LUC7L: variants seen among roughly 807,000 people sequenced by gnomAD.
LUC7L encodes putative RNA-binding protein Luc7-like 1.
LUC7L carries 29 observed loss-of-function variants against 51.1 expected under a neutral mutation model. The observed-to-expected ratio is 0.57, with a 90% CI of 0.42 to 0.77. The LOEUF is 0.77. Among genes scored for constraint, LUC7L ranks in the 30% least tolerant of loss-of-function variants. LUC7L has a pLI of 0.00. For synonymous variants in LUC7L, 181 were observed against 180.7 expected, an observed-to-expected ratio of 1.00 and a Z score of -0.01; for missense variants, 403 against 511.9, an observed-to-expected ratio of 0.79 and a Z score of 2.05.
chr16:199,078 T>G lies in LUC7L; in HGVS notation c.671A>C (p.Lys224Thr). The part of the protein sequence containing the change: ...LHLGFIQIRE[K>T]LDQLRKTVAE... ...TGAACATACCCTCAACTGATCAAGCTTCTCTCGGATCTGAATGAACCCCAA... is the reference window on the plus strand; with the variant it reads ...TGAACATACCCTCAACTGATCAAGCGTCTCTCGGATCTGAATGAACCCCAA... The change falls in exon 6 of 10, where the codon AAG (lysine) becomes ACG (threonine). Residue 224 changes from lysine to threonine, a missense_variant. By Grantham distance (78) the Lys-to-Thr change is moderately conservative. Around this residue, in one of 3 missense-constraint regions of LUC7L, gnomAD observed 15 missense variants for 45.2 expected, o/e 0.33. Coordinates refer to ENST00000293872, the MANE Select transcript of LUC7L (RefSeq NM_201412.3). The G allele has an allele frequency of 6.2e-7, 1 of 1,610,342 alleles. No homozygotes were observed. Among genetic ancestry groups the G allele is most frequent in the Non-Finnish European group, 8.5e-7 (1 of 1,176,936 alleles).
intron 2 of LUC7L, among the ~76,000 whole-genome samples, chr16:223,973 T>C (rs1049269900): frequency 6.6e-6 from 1 of 151,700 alleles, no homozygotes; most frequent in Non-Finnish European, 1.5e-5. Context: ...CCACCGCACC[T>C]GGCCTCATTC....
chr16:213,005 C>G (rs1377438924), intron 3 of LUC7L, among the ~76,000 whole-genome samples: 1 of 152,170 alleles, frequency 6.6e-6, no homozygotes, highest in African/African-American at 2.4e-5. Context: ...CTCAAGCAAT[C>G]TTCCGGCCTC....
At chr16:189,617 A>G in intron 9 of LUC7L, 1 of 1,328,232 alleles carries the variant, frequency 7.5e-7, no homozygotes, top group South Asian at 2.4e-5. Flanking sequence ...ACATGACACT[A>G]CGTAAAAACA....
intron 3 of LUC7L, among the ~76,000 whole-genome samples, chr16:214,785 C>G (rs772810447): frequency 2.8e-4 from 42 of 152,152 alleles, no homozygotes; most frequent in Non-Finnish European, 5.4e-4. Flanking sequence ...CCTAGTCTCC[C>G]AAAGCTCTTG....
Position 190,115 on chromosome 16 carries a change from C to T in LUC7L, c.827G>A (p.Arg276His), listed in dbSNP as rs777326009. The T allele has an allele frequency of 6.8e-6, 11 of 1,611,672 alleles. No homozygotes were observed. Among genetic ancestry groups the T allele is most frequent in the Admixed American group, 5.0e-5 (3 of 59,912 alleles). Reference protein sequence around the residue: ...DRRRSRSRDRRRRRSRSTSRE... With the variant: ...DRRRSRSRDRHRRRSRSTSRE... The stretch of plus-strand genomic sequence containing the variant: ...GGAGGTAGATCTTGACCGCCTCCGA[C>T]GCCGATCCCGGGAGCGTGACCTGAA... Residue 276 changes from arginine (R) to histidine (H), a missense_variant, in exon 9 of 10, where the codon CGT becomes CAT. Arg to His is a conservative substitution (Grantham distance 29). This residue lies in a region of LUC7L where 206 missense variants were observed against 218.3 expected (regional missense o/e 0.94). Coordinates refer to ENST00000293872, the MANE Select transcript of LUC7L (RefSeq NM_201412.3).
At position 221,186 on chromosome 16, in the gene LUC7L, ATTTTTTTTTT is replaced by A. The variant is rs372906826; in HGVS notation, c.157-449_157-440del. Among the ~76,000 whole-genome samples, 1,000 of 101,232 alleles carry A rather than the reference ATTTTTTTTTT, an allele frequency of 9.9e-3. 10 individuals carry two copies. Among genetic ancestry groups the A allele is most frequent in the African/African-American group, 0.03 (796 of 26,890 alleles). 66.4% of individuals were successfully genotyped at this position (101,232 alleles called of 152,430 possible). A position where few individuals can be genotyped will look rare whatever the true frequency, so the allele number is the denominator to read the frequency against. ...AGGCACGTGATACCACACCCAGCTA[ATTTTTTTTTT>A]TTTTTTTTTTTTTTTTTTTTGTATT... On this transcript the variant is annotated intron_variant, in intron 2 of 9. Coordinates refer to ENST00000293872, the MANE Select transcript of LUC7L (RefSeq NM_201412.3).
chr16:229,108 G>A, intron 1 of LUC7L, 171 bp downstream of exon 1: 2 of 1,414,860 alleles, frequency 1.4e-6, no homozygotes, highest in South Asian at 1.5e-5. Flanking sequence ...CCGCCTCAGA[G>A]ACGCACCGGC....
chr16:216,371 CA>C (rs1194199647), intron 3 of LUC7L, among the ~76,000 whole-genome samples: 4 of 145,486 alleles, frequency 2.7e-5, no homozygotes, highest in Admixed American at 2.1e-4. Context: ...CACTGGTTAT[CA>C]AATAGTTGTT....
chr16:225,729 CCCGCCTCGG>C (rs1410946072), intron 2 of LUC7L, among the ~76,000 whole-genome samples: 5 of 151,622 alleles, frequency 3.3e-5, no homozygotes, highest in Non-Finnish European at 7.4e-5. Flanking sequence ...AGGTGATCCA[CCCGCCTCGG>C]CCTCCCAAAG....
chr16:206,863 A>G (rs2049497082), intron 4 of LUC7L, among the ~76,000 whole-genome samples: 1 of 145,252 alleles, frequency 6.9e-6, no homozygotes, highest in Non-Finnish European at 1.5e-5. Context: ...GTTCCAGACC[A>G]GCTTGGGCAA....
intron 3 of LUC7L, among the ~76,000 whole-genome samples, chr16:218,762 C>A (rs2142103977): frequency 6.6e-6 from 1 of 151,260 alleles, no homozygotes; most frequent in Non-Finnish European, 1.5e-5. Flanking sequence ...CCACTGGGGG[C>A]AACAACGAAA....
chr16:217,568 G>A (rs989395113), intron 3 of LUC7L, among the ~76,000 whole-genome samples: 1 of 151,578 alleles, frequency 6.6e-6, no homozygotes, highest in Non-Finnish European at 1.5e-5. Flanking sequence ...TCAGCCAGGC[G>A]TAGCGATGTG....
At chr16:229,026 G>C in intron 1 of LUC7L, 1 of 1,432,614 alleles carries the variant, frequency 7.0e-7, no homozygotes, top group Non-Finnish European at 9.1e-7. Flanking sequence ...TAGCAGGACG[G>C]TACATAGGAA....
rs1397133562 is a variant in LUC7L, at chr16:229,261, T to G, written c.61+18A>C. 1 of 1,532,614 alleles carries G rather than the reference T, an allele frequency of 6.5e-7. No individual in the cohort carries two copies. The highest frequency in any genetic ancestry group is 2.0e-5 in the Admixed American group (1 of 51,178). 94.9% of individuals were successfully genotyped at this position (1,532,614 alleles called of 1,614,324 possible). On this transcript the variant is annotated intron_variant, in intron 1 of 9. Transcript: ENST00000293872. Reference sequence around the variant, plus strand: ...ACTCCCACCCCAGACCCTCGCCTGGTTGGCCGCTCTGACTCACCGTCCCGA... The same window carrying G: ...ACTCCCACCCCAGACCCTCGCCTGGGTGGCCGCTCTGACTCACCGTCCCGA...
chr16:212,721 T>A (rs866141099), intron 3 of LUC7L, among the ~76,000 whole-genome samples: 2 of 152,166 alleles, frequency 1.3e-5, no homozygotes, highest in African/African-American at 2.4e-5. Context: ...AATTACACTT[T>A]TGGTGAATTA....
intron 5 of LUC7L, among the ~76,000 whole-genome samples, chr16:201,470 C>G (rs905756173): frequency 6.7e-6 from 1 of 149,992 alleles, no homozygotes; most frequent in South Asian, 2.1e-4. Flanking sequence ...GACGGAGTCT[C>G]GCTCTGTCGC....
chr16:190,399 C>T (rs542454883), intron 8 of LUC7L, 142 bp downstream of exon 8: 149 of 924,732 alleles, frequency 1.6e-4, no homozygotes, highest in Middle Eastern at 1.1e-3. Flanking sequence ...CTCCACGGCA[C>T]CAAGCAACCT....
intron 5 of LUC7L, among the ~76,000 whole-genome samples, chr16:200,653 A>G (rs992967175): frequency 2.0e-5 from 3 of 152,142 alleles, no homozygotes; most frequent in African/African-American, 7.2e-5. Flanking sequence ...AGAGTGAAGC[A>G]AGAAGATCAC....
At chr16:222,329 G>GAAAAA (rs35172319) in intron 2 of LUC7L, among the ~76,000 whole-genome samples, 1 of 115,892 alleles carries the variant, frequency 8.6e-6, no homozygotes. Flanking sequence ...TACATAACCA[G>GAAAAA]AAAAAAAAAA....
Sources: gnomAD v4.1 joint callset for allele counts (sites outside exome capture counted in the v4.1 genomes callset) on GRCh38, gnomAD v4.1.1 for gene constraint, gnomAD v4.1.1 regional missense constraint, MANE v1.5 for transcripts, NCBI Gene and HGNC (gene_info 2026-07-23, HGNC 2026-07-21) for gene names.